Variants in TPR observed in about 807,000 individuals in gnomAD.
TPR encodes translocated promoter region, nuclear basket protein, also known as nucleoprotein TPR.
A neutral mutation model predicts 316.1 loss-of-function variants in TPR; 51 were observed. The ratio of observed to expected loss-of-function variants is 0.16; its 90% confidence interval spans 0.13 to 0.20. The LOEUF (loss-of-function observed/expected upper bound fraction) is 0.20, where lower values mean the gene tolerates loss of function less well. Among genes scored for constraint, TPR ranks in the 10% least tolerant of loss-of-function variants. The probability of loss-of-function intolerance (pLI) is 1.00; values close to 1 mark genes in which losing one functional copy is unlikely to be tolerated. For synonymous variants in TPR, 981 were observed against 914.7 expected, an observed-to-expected ratio of 1.07 and a Z score of -1.31; for missense variants, 2,272 against 2,754.8, an observed-to-expected ratio of 0.82 and a Z score of 3.92.
rs1372356421 is a variant in TPR at position 186,344,110 on chromosome 1, C to T, written c.3418-20G>A. 6.3e-7 allele frequency: 1 copy of T among 1,596,200 alleles called. No homozygotes were observed. The highest frequency in any genetic ancestry group is 2.2e-5 in the East Asian group (1 of 44,656). Reference sequence around the variant, plus strand: ...TTCATCCTGCAAGCCAAGAGTCTATCAGAATAACAGATTTTCCAATGCATA... The same window carrying T: ...TTCATCCTGCAAGCCAAGAGTCTATTAGAATAACAGATTTTCCAATGCATA... On this transcript the variant is annotated intron_variant, in intron 25 of 50. Coordinates refer to ENST00000367478, the MANE Select transcript of TPR (RefSeq NM_003292.3).
chr1:186,337,841 T>C (rs141475793), intron 31 of TPR, among the ~76,000 whole-genome samples, 192 bp downstream of exon 31: 1 of 152,166 alleles, frequency 6.6e-6, no homozygotes, highest in South Asian at 2.1e-4. Context: ...CTGAACTATC[T>C]AGTATTTACC....
chr1:186,355,716 T>C lies in TPR; in HGVS notation c.1941A>G (p.Thr647=), dbSNP rs41308409. ...SLASTPKRPS[T]SQTVSTPAPV... ...GAGCAGGAGTGGAAACAGTCTGTGA[T>C]GTACTTGGACGTTTTGGAGTTGATG... Residue 647 remains threonine (T), a synonymous_variant, in exon 16 of 51, where the codon ACA becomes ACG. Coordinates refer to ENST00000367478, the MANE Select transcript of TPR (RefSeq NM_003292.3). The C allele has an allele frequency of 4.5e-4, 724 of 1,614,166 alleles. No homozygotes were observed. Among genetic ancestry groups the C allele is most frequent in the Non-Finnish European group, 5.7e-4 (671 of 1,180,028 alleles).
chr1:186,349,616 C>T (rs1275547065), intron 21 of TPR, among the ~76,000 whole-genome samples: 10 of 150,786 alleles, frequency 6.6e-5, no homozygotes, highest in African/African-American at 9.7e-5. Flanking sequence ...GCCGAGATCG[C>T]GCCACTGCAC....
chr1:186,320,185 T>A lies in TPR; in HGVS notation c.6568+127A>T, dbSNP rs1657739034. The A allele has an allele frequency of 2.3e-5, 19 of 822,116 alleles. 1 individual carries two copies. In the South Asian group the frequency reaches 4.2e-4, roughly 18 times the overall value. The allele number at this position is 822,116 out of a possible 1,614,324, so 50.9% of individuals were successfully genotyped here. A position where few individuals can be genotyped will look rare whatever the true frequency, so the allele number is the denominator to read the frequency against. On this transcript the variant is annotated intron_variant, in intron 46 of 50. Transcript: ENST00000367478. The stretch of plus-strand genomic sequence containing the variant: ...AAGTATACTACAGCATTTAAAAAAA[T>A]AAATTAGCAAACAATATCAATTTTA...
intron 12 of TPR, among the ~76,000 whole-genome samples, chr1:186,359,272 A>G (rs1407549277): frequency 6.6e-6 from 1 of 152,128 alleles, no homozygotes; most frequent in Non-Finnish European, 1.5e-5. Flanking sequence ...GTATCTCTTA[A>G]AAGGAAAAAA....
intron 1 of TPR, 128 bp from the exon 2 acceptor site, chr1:186,373,591 T>TA (rs1659597560): frequency 1.9e-6 from 1 of 516,244 alleles, no homozygotes; most frequent in African/African-American, 1.9e-5. Context: ...GTGCTCCACA[T>TA]AAGAGAATCT....
In TPR at chr1:186,314,610, A is replaced by T. The variant is rs900060545; in HGVS notation, c.7036+19T>A. 3.2e-6 allele frequency: 5 copies of T among 1,577,566 alleles called. No individual in the cohort carries two copies. The African/African-American group carries it at 6.8e-5, about 21-fold the overall frequency. On this transcript the variant is annotated intron_variant, in intron 50 of 50. Transcript: ENST00000367478. ...TATTCCACATTCTATCATGTAATCC[A>T]GTTATGTCAGAAATTCACCTCTCTG...
chr1:186,374,995 T>C lies in TPR; in HGVS notation c.34A>G (p.Thr12Ala). 6.2e-7 allele frequency: 1 copy of C among 1,614,112 alleles called. No individual in the cohort carries two copies. The highest frequency in any genetic ancestry group is 8.5e-7 in the Non-Finnish European group (1 of 1,180,034). ...GACTTGGGCAGCTTGTTCAGCTCCG[T>C]GCGCTCCAGGACTTGCTGCAACACC... ...AAVLQQVLER[T>A]ELNKLPKSVQ... The change falls in exon 1 of 51, where the codon ACG becomes GCG. Residue 12 changes from threonine to alanine, a missense_variant. Transcript: ENST00000367478.
At chr1:186,337,301 T>A in intron 31 of TPR, 145 bp from the exon 32 acceptor site, 1 of 990,684 alleles carries the variant, frequency 1.0e-6, no homozygotes, top group Non-Finnish European at 1.4e-6. Context: ...ATGAAACAAC[T>A]GTAATCTCCA....
At chr1:186,344,691 TA>T (rs1658624780) in intron 24 of TPR, 113 bp from the exon 25 acceptor site, 1 of 728,976 alleles carries the variant, frequency 1.4e-6, no homozygotes, top group African/African-American at 1.8e-5. Context: ...AAAGACAATC[TA>T]AATGTAGCAA....
intron 38 of TPR, 109 bp from the exon 39 acceptor site, chr1:186,331,690 G>T (rs1658171755): frequency 1.8e-6 from 1 of 569,268 alleles, no homozygotes; most frequent in Admixed American, 3.9e-5. Flanking sequence ...TATATTTTAT[G>T]AAACTATAGA....
chr1:186,367,582 T>G (rs1460597186), intron 4 of TPR, among the ~76,000 whole-genome samples: 2 of 152,220 alleles, frequency 1.3e-5, no homozygotes, highest in Non-Finnish European at 2.9e-5. Context: ...CCTTTGCAAA[T>G]ATTTAAAGTG....
intron 3 of TPR, among the ~76,000 whole-genome samples, chr1:186,369,003 G>C (rs753781925): frequency 3.3e-5 from 5 of 152,162 alleles, no homozygotes; most frequent in Non-Finnish European, 5.9e-5. Flanking sequence ...CATTAATGAG[G>C]AGACGATCAC....
rs752185054 is a variant in TPR, at chr1:186,353,883, G to A, written c.2172-33C>T. On this transcript the variant is annotated intron_variant, in intron 17 of 50. Transcript: ENST00000367478. ...GAAAAAAGTAATTCTACAAGTAACTGAAATGATATCCTAGCTTAATCCCTT... is the reference window on the plus strand; with the variant it reads ...GAAAAAAGTAATTCTACAAGTAACTAAAATGATATCCTAGCTTAATCCCTT... 4 of 1,595,900 alleles carry A rather than the reference G, an allele frequency of 2.5e-6. No homozygotes were observed. The South Asian group carries it at 3.4e-5, about 13-fold the overall frequency.
At chr1:186,373,191 C>G (rs7514615) in intron 2 of TPR, among the ~76,000 whole-genome samples, 168 bp downstream of exon 2, 21,353 of 152,134 alleles carry the variant, frequency 0.14, 1,597 homozygotes, top group Non-Finnish European at 0.16. Flanking sequence ...TGTGTTCTCA[C>G]AAAATCTTTA....
At chr1:186,332,920 T>G (rs1658214050) in intron 37 of TPR, among the ~76,000 whole-genome samples, 1 of 152,154 alleles carries the variant, frequency 6.6e-6, no homozygotes, top group South Asian at 2.1e-4. Context: ...TAGTAATATA[T>G]TCATTCATTC....
rs773662466 is a variant in TPR at position 186,345,596 on chromosome 1, C to T, written c.3197G>A (p.Arg1066His). The T allele has an allele frequency of 2.2e-5, 36 of 1,613,052 alleles. No individual in the cohort carries two copies. Among genetic ancestry groups the T allele is most frequent in the Admixed American group, 1.8e-4 (11 of 59,984 alleles). ...TATACTTACTTGTTCCTGACAGTCACGTCTGGCTTGCTGCTCATTACTTAA... is the reference window on the plus strand; with the variant it reads ...TATACTTACTTGTTCCTGACAGTCATGTCTGGCTTGCTGCTCATTACTTAA... ...TALSNEQQAR[R>H]DCQEQAKIAV... is the part of the protein sequence containing the mutation. Residue 1066 changes from arginine to histidine, a missense_variant, in exon 24 of 51, where the codon CGT (arginine) becomes CAT (histidine). By Grantham distance (29) the Arg-to-His change is conservative. Transcript: ENST00000367478.
At chr1:186,358,314 T>G (rs925402607) in intron 13 of TPR, among the ~76,000 whole-genome samples, 1 of 152,164 alleles carries the variant, frequency 6.6e-6, no homozygotes, top group African/African-American at 2.4e-5. Context: ...TTTGAATTAT[T>G]TCTTCATTTA....
intron 37 of TPR, among the ~76,000 whole-genome samples, chr1:186,332,618 A>T (rs1003975011): frequency 6.6e-6 from 1 of 152,164 alleles, no homozygotes; most frequent in Admixed American, 6.6e-5. Flanking sequence ...TTTTTACAAT[A>T]TATCTGGTTC....
Sources: gnomAD v4.1 joint callset for allele counts (sites outside exome capture counted in the v4.1 genomes callset) on GRCh38, gnomAD v4.1.1 for gene constraint, MANE v1.5 for transcripts, NCBI Gene and HGNC (gene_info 2026-07-23, HGNC 2026-07-21) for gene names.